The following UBN1 variants were observed in gnomAD, a reference collection of about 807,000 sequenced individuals.
UBN1 encodes the protein ubinuclein 1.
In UBN1, 17 loss-of-function variants were observed where a neutral mutation model predicts 108.5. That is an observed-to-expected ratio of 0.16 (90% CI 0.11 to 0.24). The LOEUF is 0.24. Among genes scored for constraint, UBN1 ranks in the 10% least tolerant of loss-of-function variants. The pLI is 1.00. For synonymous variants in UBN1, 726 were observed against 564.2 expected, an observed-to-expected ratio of 1.29 and a Z score of -4.07; for missense variants, 1,595 against 1,394.4, an observed-to-expected ratio of 1.14 and a Z score of -2.29.
At chr16:4,853,423 GT>G (rs1407142729) in intron 2 of UBN1, among the ~76,000 whole-genome samples, 25 of 152,256 alleles carry the variant, frequency 1.6e-4, no homozygotes, top group Admixed American at 1.4e-3. Context: ...TAAACGTTAT[GT>G]GTAAATGAAA....
chr16:4,850,082 A>C (rs1380782646), intron 1 of UBN1, among the ~76,000 whole-genome samples: 2 of 152,106 alleles, frequency 1.3e-5, no homozygotes, highest in African/African-American at 4.8e-5. Flanking sequence ...TATTTTCTTA[A>C]GCATTTTGAA....
At chr16:4,859,693 G>A (rs1366855455) in intron 5 of UBN1, among the ~76,000 whole-genome samples, 172 bp from the exon 6 acceptor site, 3 of 152,192 alleles carry the variant, frequency 2.0e-5, no homozygotes, top group African/African-American at 4.8e-5. Flanking sequence ...AGACACCGTC[G>A]GTGGGAATGC....
Position 4,880,264 on chromosome 16 carries a change from C to T in UBN1, c.*132C>T, listed in dbSNP as rs977560317. 1.4e-5 allele frequency: 15 copies of T among 1,065,064 alleles called. 1 individual carries two copies. Among genetic ancestry groups the T allele is most frequent in the South Asian group, 4.0e-5 (3 of 75,122 alleles). The allele number at this position is 1,065,064 out of a possible 1,614,324, so 66.0% of individuals were successfully genotyped here. ...GGAGGAGCGTGAGTTCTCAGCGGAG[C>T]GCTTCTCGGCACTTCTGATGTGCCT... On this transcript the variant is annotated 3_prime_UTR_variant, in exon 18 of 18. Transcript: ENST00000262376.
In UBN1 at chr16:4,880,242, G is replaced by C; in HGVS notation, c.*110G>C. The C allele has an allele frequency of 7.8e-7, 1 of 1,289,308 alleles. No individual in the cohort carries two copies. Among genetic ancestry groups the C allele is most frequent in the Non-Finnish European group, 1.1e-6 (1 of 889,004 alleles). The allele number at this position is 1,289,308 out of a possible 1,614,324, so 79.9% of individuals were successfully genotyped here. ...TTCTGCTGCTTGGTGTTCTTCTGGA[G>C]GAGCGTGAGTTCTCAGCGGAGCGCT... On this transcript the variant is annotated 3_prime_UTR_variant, in exon 18 of 18. Coordinates refer to ENST00000262376, the MANE Select transcript of UBN1 (RefSeq NM_001079514.3).
intron 15 of UBN1, among the ~76,000 whole-genome samples, chr16:4,876,560 C>T (rs2087895745): frequency 1.3e-5 from 2 of 151,382 alleles, no homozygotes; most frequent in East Asian, 3.9e-4. Flanking sequence ...CAGAGTCTGG[C>T]TCTGTCACCT....
intron 2 of UBN1, among the ~76,000 whole-genome samples, chr16:4,853,576 G>A (rs62036119): frequency 1.5e-5 from 2 of 135,992 alleles, no homozygotes; most frequent in African/African-American, 5.6e-5. Flanking sequence ...TTTTTTTTTC[G>A]AGACCGAGTC....
chr16:4,858,610 G>A lies in UBN1; in HGVS notation c.379G>A (p.Asp127Asn). The A allele has an allele frequency of 2.5e-6, 4 of 1,614,158 alleles. No homozygotes were observed. Among genetic ancestry groups the A allele is most frequent in the African/African-American group, 1.3e-5 (1 of 75,040 alleles). The part of the protein sequence containing the change: ...RRKDRIQDLI[D>N]MGYGYDESDS... ...AAAAGACCGAATACAGGACTTGATC[G>A]ATATGGGGTATGGTTATGATGAATC... is the stretch of plus-strand genomic sequence containing the variant. Residue 127 changes from aspartate to asparagine, a missense_variant, in exon 4 of 18, where the codon GAT (aspartate) becomes AAT (asparagine). Physicochemically the swap from Asp to Asn is conservative, Grantham distance 23. Coordinates refer to ENST00000262376, the MANE Select transcript of UBN1 (RefSeq NM_001079514.3).
intron 7 of UBN1, among the ~76,000 whole-genome samples, chr16:4,867,043 C>G (rs2087368708): frequency 1.3e-5 from 2 of 152,176 alleles, no homozygotes; most frequent in Non-Finnish European, 2.9e-5. Context: ...AGGCAGGGAG[C>G]AGAGCTGAAG....
intron 1 of UBN1, among the ~76,000 whole-genome samples, chr16:4,850,057 G>T (rs1194960217): frequency 6.6e-6 from 1 of 150,616 alleles, no homozygotes; most frequent in Non-Finnish European, 1.5e-5. Flanking sequence ...ATTCAAACAT[G>T]TTTGAACTTA....
chr16:4,866,097 G>A (rs2087317107), intron 7 of UBN1, among the ~76,000 whole-genome samples: 2 of 152,180 alleles, frequency 1.3e-5, no homozygotes, highest in South Asian at 2.1e-4. Flanking sequence ...GGTGCTTCTC[G>A]ATCTTAAAAC....
At chr16:4,864,978 GC>G (rs1317171568) in intron 7 of UBN1, among the ~76,000 whole-genome samples, 1 of 152,154 alleles carries the variant, frequency 6.6e-6, no homozygotes, top group Non-Finnish European at 1.5e-5. Flanking sequence ...GTGCTAAAAG[GC>G]TACAGGTGAC....
Position 4,880,161 on chromosome 16 carries a change from G to T in UBN1, c.*29G>T, listed in dbSNP as rs1054394145. 2 of 1,612,858 alleles carry T rather than the reference G, an allele frequency of 1.2e-6. No homozygotes were observed. Among genetic ancestry groups the T allele is most frequent in the Non-Finnish European group, 1.7e-6 (2 of 1,179,042 alleles). On this transcript the variant is annotated 3_prime_UTR_variant, in exon 18 of 18. Coordinates refer to ENST00000262376, the MANE Select transcript of UBN1 (RefSeq NM_001079514.3). ...CTTCAGAGGCAAGGCTTGCCACTTG[G>T]GTCTGGGTGGAATCAGAACGTGCAG...
At chr16:4,855,791 T>A (rs1361495487) in intron 2 of UBN1, among the ~76,000 whole-genome samples, 2 of 152,058 alleles carry the variant, frequency 1.3e-5, no homozygotes, top group African/African-American at 4.8e-5. Context: ...TGGTAGTGCA[T>A]GCATGTAATC....
rs1368343780 is a variant in UBN1 at position 4,870,869 on chromosome 16, G to T, written c.1456G>T (p.Glu486Ter). The T allele has an allele frequency of 1.2e-6, 2 of 1,613,934 alleles. No individual in the cohort carries two copies. Among genetic ancestry groups the T allele is most frequent in the African/African-American group, 2.7e-5 (2 of 74,904 alleles). Residue 486 changes from glutamate (E) to a stop codon, truncating the protein, a stop_gained, in exon 11 of 18, where the codon GAG becomes TAG. Coordinates refer to ENST00000262376, the MANE Select transcript of UBN1 (RefSeq NM_001079514.3). LOFTEE classifies it high-confidence loss of function. ...GATGCTGGAAGAGGAGAAAGACAAG[G>T]AGCAGAGGGACCGGATTTGTTCGGA... ...AKMLEEEKDK[E>*]QRDRICSDEE... is the part of the protein sequence containing the mutation.
chr16:4,875,732 G>C (rs2087850805), intron 15 of UBN1, among the ~76,000 whole-genome samples: 1 of 152,280 alleles, frequency 6.6e-6, no homozygotes, highest in Middle Eastern at 3.4e-3. Context: ...ATGAGCAACA[G>C]CCCTTGCCTT....
chr16:4,874,881 C>A lies in UBN1; in HGVS notation c.2471C>A (p.Ala824Asp). 6.2e-7 allele frequency: 1 copy of A among 1,614,104 alleles called. No individual in the cohort carries two copies. The highest frequency in any genetic ancestry group is 8.5e-7 in the Non-Finnish European group (1 of 1,180,050). ...AACTTCACGCCCCCATCTCCATTTG[C>A]CAATAAGCTCCAAGGCCCAAAGGCT... ...QKNFTPPSPF[A>D]NKLQGPKASP... Residue 824 changes from alanine (A) to aspartate (D), a missense_variant, in exon 15 of 18, where the codon GCC (alanine) becomes GAC (aspartate). Ala to Asp is a moderately radical substitution (Grantham distance 126). Transcript: ENST00000262376.
At chr16:4,868,397 C>A (rs1041826700) in intron 7 of UBN1, among the ~76,000 whole-genome samples, 2 of 152,146 alleles carry the variant, frequency 1.3e-5, no homozygotes, top group Non-Finnish European at 2.9e-5. Context: ...GTTAGAGCTA[C>A]ACATTATTAT....
intron 2 of UBN1, among the ~76,000 whole-genome samples, chr16:4,857,608 A>G (rs1212775246): frequency 6.6e-6 from 1 of 152,118 alleles, no homozygotes; most frequent in Non-Finnish European, 1.5e-5. Context: ...CTATTTTGGA[A>G]GTCAATGGAC....
At chr16:4,853,776 G>C (rs1197082006) in intron 2 of UBN1, among the ~76,000 whole-genome samples, 1 of 152,020 alleles carries the variant, frequency 6.6e-6, no homozygotes. Flanking sequence ...TGGCCAGGCT[G>C]GTCTCAAACT....
Sources: allele counts gnomAD v4.1 joint callset (sites outside exome capture counted in the v4.1 genomes callset), GRCh38; gene constraint gnomAD v4.1.1; transcripts MANE v1.5; gene names NCBI Gene and HGNC (gene_info 2026-07-23, HGNC 2026-07-21).